The following SEMA3A variants were observed in gnomAD, a reference collection of about 807,000 sequenced individuals.
SEMA3A encodes the protein semaphorin-3A.
A neutral mutation model predicts 97.9 loss-of-function variants in SEMA3A; 29 were observed. The ratio of observed to expected loss-of-function variants is 0.30; its 90% CI spans 0.22 to 0.40. SEMA3A has a LOEUF of 0.40. Ranked by LOEUF, SEMA3A falls within the 10% of genes least tolerant of loss-of-function variation. SEMA3A has a pLI of 1.00. For missense variants in SEMA3A, 763 were observed against 951.3 expected (o/e 0.80, Z 2.60); for synonymous variants, 321 against 323.7 (o/e 0.99, Z 0.09).
chr7:84,324,784 T>C (rs897973861), intron 2 of SEMA3A, among the ~76,000 whole-genome samples: 1 of 151,970 alleles, frequency 6.6e-6, no homozygotes, highest in Non-Finnish European at 1.5e-5. Context: ...CTACAATATA[T>C]AGGTGAAAAT....
At chr7:84,460,440 A>G (rs776700304) in intron 1 of SEMA3A, among the ~76,000 whole-genome samples, 22 of 152,152 alleles carry the variant, frequency 1.4e-4, no homozygotes, top group Non-Finnish European at 2.2e-4. Context: ...AAGAATATTA[A>G]TAATCATTTT....
intron 1 of SEMA3A, among the ~76,000 whole-genome samples, chr7:84,402,385 C>T (rs562314885): frequency 6.6e-6 from 1 of 152,150 alleles, no homozygotes; most frequent in South Asian, 2.1e-4. Flanking sequence ...AACACTTGTA[C>T]ACTGTTGGTG....
chr7:84,371,282 T>A (rs1284817643), intron 2 of SEMA3A, among the ~76,000 whole-genome samples: 1 of 151,870 alleles, frequency 6.6e-6, no homozygotes. Context: ...CTCAGAGACT[T>A]TAATTTATGT....
chr7:84,088,221 C>T (rs577831093), intron 4 of SEMA3A, among the ~76,000 whole-genome samples: 198 of 152,056 alleles, frequency 1.3e-3, no homozygotes, highest in Non-Finnish European at 1.7e-3. Context: ...TTTGGGAGGC[C>T]GAGGCGGGTG....
At chr7:84,054,120 A>G (rs1792826545) in intron 5 of SEMA3A, among the ~76,000 whole-genome samples, 1 of 151,812 alleles carries the variant, frequency 6.6e-6, no homozygotes, top group East Asian at 1.9e-4. Flanking sequence ...GGGTAACCCG[A>G]CCTTTCTCTC....
chr7:84,367,662 A>G (rs1005063377), intron 2 of SEMA3A, among the ~76,000 whole-genome samples: 2 of 151,124 alleles, frequency 1.3e-5, no homozygotes, highest in African/African-American at 4.8e-5. Context: ...AAAACATTTC[A>G]GACAGGAATA....
chr7:84,403,994 C>G (rs1225264317), intron 1 of SEMA3A, among the ~76,000 whole-genome samples: 2 of 152,196 alleles, frequency 1.3e-5, no homozygotes, highest in Admixed American at 1.3e-4. Flanking sequence ...CGCCTCTCCT[C>G]CTCCAACGGA....
intron 3 of SEMA3A, among the ~76,000 whole-genome samples, chr7:84,218,947 A>C (rs1489288130): frequency 2.0e-5 from 3 of 152,138 alleles, no homozygotes; most frequent in Non-Finnish European, 4.4e-5. Flanking sequence ...CAAAATAGGA[A>C]ACTTTGAATA....
At chr7:84,114,156 C>A (rs1025739905) in intron 3 of SEMA3A, among the ~76,000 whole-genome samples, 4 of 152,058 alleles carry the variant, frequency 2.6e-5, no homozygotes, top group African/African-American at 9.7e-5. Context: ...GAAAATTAAA[C>A]AGAATTGAGG....
chr7:84,286,893 T>A (rs1022271606), intron 3 of SEMA3A, among the ~76,000 whole-genome samples: 13 of 152,172 alleles, frequency 8.5e-5, no homozygotes, highest in Non-Finnish European at 1.9e-4. Context: ...ATATTTGATG[T>A]CATTTATCTC....
chr7:84,046,190 A>G, intron 6 of SEMA3A, 134 bp downstream of exon 6: 1 of 968,318 alleles, frequency 1.0e-6, no homozygotes, highest in Non-Finnish European at 1.5e-6. Flanking sequence ...CACACCCACC[A>G]TCATGAAGTC....
intron 4 of SEMA3A, among the ~76,000 whole-genome samples, chr7:84,083,293 T>G (rs552817453): frequency 6.6e-6 from 1 of 152,010 alleles, no homozygotes; most frequent in East Asian, 1.9e-4. Flanking sequence ...TATTTCTTTT[T>G]TATTTTTTTC....
intron 3 of SEMA3A, among the ~76,000 whole-genome samples, chr7:84,119,810 C>G (rs183033250): frequency 1.3e-5 from 2 of 152,036 alleles, no homozygotes; most frequent in African/African-American, 4.8e-5. Context: ...AAGATATTGG[C>G]CAAAATCTTT....
rs896542733 is a variant in SEMA3A, at chr7:84,215,928, C to A, written c.-82-21260G>T. On this transcript the variant is annotated intron_variant, in intron 3 of 3. Transcript: ENST00000424555. ...AAATGTATATGTGTACATATAGATACACACACACACACACATAATTACCTC... is the reference window on the plus strand; with the variant it reads ...AAATGTATATGTGTACATATAGATAAACACACACACACACATAATTACCTC... 2.9e-5 allele frequency among the ~76,000 whole-genome samples: 4 copies of A among 135,762 alleles called. No homozygotes were observed. The South Asian group carries it at 9.7e-4, about 33-fold the overall frequency. 89.1% of individuals were successfully genotyped at this position (135,762 alleles called of 152,430 possible). A position where few individuals can be genotyped will look rare whatever the true frequency, so the allele number is the denominator to read the frequency against.
At chr7:84,231,485 G>A (rs940528651) in intron 3 of SEMA3A, among the ~76,000 whole-genome samples, 9 of 151,914 alleles carry the variant, frequency 5.9e-5, no homozygotes, top group African/African-American at 2.2e-4. Flanking sequence ...TTCTGGGAGT[G>A]GAAAGTATAA....
chr7:84,394,527 C>T (rs553221036), intron 1 of SEMA3A, among the ~76,000 whole-genome samples: 1 of 152,164 alleles, frequency 6.6e-6, no homozygotes, highest in Admixed American at 6.6e-5. Context: ...AAGATGGAGG[C>T]TCATTTCATA....
chr7:84,471,283 C>T (rs1325437820), intron 1 of SEMA3A, among the ~76,000 whole-genome samples: 1 of 152,020 alleles, frequency 6.6e-6, no homozygotes, highest in Non-Finnish European at 1.5e-5. Flanking sequence ...GGTTAGCAAT[C>T]AGAGTGACTG....
intron 5 of SEMA3A, among the ~76,000 whole-genome samples, chr7:84,050,675 T>C (rs1378420821): frequency 1.3e-5 from 2 of 152,308 alleles, no homozygotes; most frequent in Admixed American, 6.5e-5. Flanking sequence ...TTCACTCTGA[T>C]GGTAGTTTCT....
At chr7:84,051,703 T>G (rs1305416956) in intron 5 of SEMA3A, among the ~76,000 whole-genome samples, 1 of 152,118 alleles carries the variant, frequency 6.6e-6, no homozygotes, top group Non-Finnish European at 1.5e-5. Context: ...ACCCTTTATT[T>G]CTTTCTCCTG....
Sources: allele counts gnomAD v4.1 joint callset (sites outside exome capture counted in the v4.1 genomes callset), GRCh38; gene constraint gnomAD v4.1.1; transcripts MANE v1.5; gene names NCBI Gene and HGNC (gene_info 2026-07-23, HGNC 2026-07-21).